SMCHD1: variants seen among roughly 807,000 people sequenced by gnomAD.
SMCHD1 encodes the protein structural maintenance of chromosomes flexible hinge domain-containing protein 1.
SMCHD1 carries 78 observed loss-of-function variants against 254.7 expected under a neutral mutation model. That is an observed-to-expected ratio of 0.31 (90% CI 0.26 to 0.37). SMCHD1 has a LOEUF of 0.37. Among genes scored for constraint, SMCHD1 ranks in the 10% least tolerant of loss-of-function variants. SMCHD1 has a pLI of 1.00. For synonymous variants in SMCHD1, 766 were observed against 794.9 expected, an observed-to-expected ratio of 0.96 and a Z score of 0.61; for missense variants, 1,840 against 2,408.1, an observed-to-expected ratio of 0.76 and a Z score of 4.94.
At chr18:2,749,364 A>G (rs966604426) in intron 30 of SMCHD1, among the ~76,000 whole-genome samples, 1 of 152,212 alleles carries the variant, frequency 6.6e-6, no homozygotes, top group Non-Finnish European at 1.5e-5. Flanking sequence ...ACTGTGGTCT[A>G]CAAATTCACT....
intron 1 of SMCHD1, among the ~76,000 whole-genome samples, chr18:2,662,643 T>G (rs2143780647): frequency 1.2e-5 from 1 of 84,264 alleles, no homozygotes; most frequent in East Asian, 3.7e-4. Context: ...AGACTCCATC[T>G]CAACAACAAT....
chr18:2,669,456 C>G (rs958524587), intron 3 of SMCHD1, among the ~76,000 whole-genome samples: 3 of 152,214 alleles, frequency 2.0e-5, no homozygotes, highest in African/African-American at 7.2e-5. Flanking sequence ...GCCTTGGTCT[C>G]TCAAAGCCGT....
intron 36 of SMCHD1, among the ~76,000 whole-genome samples, chr18:2,762,567 C>T (rs1482139070): frequency 1.4e-5 from 2 of 147,996 alleles, no homozygotes; most frequent in Non-Finnish European, 3.0e-5. Context: ...AATCATAGCT[C>T]ACTGCAACCT....
chr18:2,736,621 A>G (rs2143516971), intron 25 of SMCHD1, among the ~76,000 whole-genome samples: 1 of 152,272 alleles, frequency 6.6e-6, no homozygotes, highest in Non-Finnish European at 1.5e-5. Flanking sequence ...GAAGACATAC[A>G]TGTGGTCAGC....
chr18:2,722,750 G>A (rs1179241925), intron 20 of SMCHD1, 87 bp downstream of exon 20: 2 of 1,162,690 alleles, frequency 1.7e-6, no homozygotes, highest in Non-Finnish European at 2.4e-6. Context: ...TTGTGTGTAA[G>A]GTGTTCAACT....
At chr18:2,795,926 A>C in intron 45 of SMCHD1, 23 bp from the exon 46 acceptor site, 2 of 1,547,410 alleles carry the variant, frequency 1.3e-6, no homozygotes, top group Non-Finnish European at 1.7e-6. Flanking sequence ...TAATTTAATC[A>C]AATGCATTTG....
intron 5 of SMCHD1, among the ~76,000 whole-genome samples, chr18:2,674,668 A>C (rs897381272): frequency 6.6e-5 from 10 of 152,326 alleles, no homozygotes; most frequent in African/African-American, 2.4e-4. Flanking sequence ...TCAGACATAA[A>C]AAAGATTTAG....
rs1376671704 is a variant in SMCHD1, at chr18:2,750,202, C to T, written c.4007+80C>T. On this transcript the variant is annotated intron_variant, in intron 31 of 47. Coordinates refer to ENST00000320876, the MANE Select transcript of SMCHD1 (RefSeq NM_015295.3). ...TGCTTGCCGAAGTTACAGCTAATGA[C>T]TATCCTTCTGTTTAATGTTAGGCAA... 11 of 1,434,802 alleles carry T rather than the reference C, an allele frequency of 7.7e-6. 1 individual carries two copies. The highest frequency in any genetic ancestry group is 1.1e-5 in the Non-Finnish European group (11 of 1,046,916). 88.9% of individuals were successfully genotyped at this position (1,434,802 alleles called of 1,614,324 possible).
chr18:2,707,943 A>G, intron 17 of SMCHD1, 23 bp downstream of exon 17: 1 of 1,319,532 alleles, frequency 7.6e-7, no homozygotes, highest in Non-Finnish European at 1.0e-6. Flanking sequence ...ACTAATTTAG[A>G]TCTTTAATAT....
chr18:2,757,920 A>T (rs1405106699), intron 34 of SMCHD1, among the ~76,000 whole-genome samples: 3 of 152,004 alleles, frequency 2.0e-5, no homozygotes. Context: ...ACCTTTTATT[A>T]TTATGAAGTA....
chr18:2,720,790 ATTT>A (rs2074909588), intron 19 of SMCHD1, among the ~76,000 whole-genome samples: 1 of 152,158 alleles, frequency 6.6e-6, no homozygotes, highest in South Asian at 2.1e-4. Context: ...AATTGATTAG[ATTT>A]TAAAATACAG....
intron 8 of SMCHD1, 45 bp from the exon 9 acceptor site, chr18:2,696,987 A>G: frequency 1.1e-6 from 1 of 890,086 alleles, no homozygotes; most frequent in Middle Eastern, 3.0e-4. Context: ...ATTAACTATA[A>G]TTTTATGTGA....
chr18:2,760,746 T>G lies in SMCHD1; in HGVS notation c.4434+7T>G, dbSNP rs780929470. 1 of 1,552,108 alleles carries G rather than the reference T, an allele frequency of 6.4e-7. No homozygotes were observed. Among genetic ancestry groups the G allele is most frequent in the South Asian group, 1.1e-5 (1 of 88,060 alleles). On this transcript the variant is annotated splice_region_variant and intron_variant, in intron 35 of 47. Transcript: ENST00000320876. Reference sequence around the variant, plus strand: ...TATTCTCAACAGTGAACAGGTTTGCTTACTTTTTTTATATACCACAGTTAG... The same window carrying G: ...TATTCTCAACAGTGAACAGGTTTGCGTACTTTTTTTATATACCACAGTTAG...
chr18:2,708,241 A>T (rs370558345), intron 17 of SMCHD1, among the ~76,000 whole-genome samples: 1 of 117,912 alleles, frequency 8.5e-6, no homozygotes, highest in African/African-American at 2.8e-5. Context: ...AATTACAGTA[A>T]TAATTACAGT....
chr18:2,679,400 C>T (rs1465969460), intron 5 of SMCHD1, among the ~76,000 whole-genome samples: 16 of 140,710 alleles, frequency 1.1e-4, no homozygotes, highest in Non-Finnish European at 1.7e-4. Context: ...GGCGTGAACC[C>T]GGGATGCGGA....
intron 8 of SMCHD1, among the ~76,000 whole-genome samples, chr18:2,696,576 A>G (rs2074290122): frequency 1.3e-5 from 2 of 152,124 alleles, no homozygotes; most frequent in Non-Finnish European, 2.9e-5. Flanking sequence ...AAGGTTGGGG[A>G]CTGCTGTTCT....
intron 45 of SMCHD1, among the ~76,000 whole-genome samples, chr18:2,792,248 C>T (rs556421805): frequency 3.0e-4 from 46 of 152,226 alleles, no homozygotes; most frequent in African/African-American, 1.1e-3. Flanking sequence ...AGTTGATTAC[C>T]TTTTCTATGT....
intron 17 of SMCHD1, among the ~76,000 whole-genome samples, chr18:2,716,614 G>A (rs1178592477): frequency 6.6e-6 from 1 of 152,168 alleles, no homozygotes; most frequent in African/African-American, 2.4e-5. Flanking sequence ...ACCAGCCCTT[G>A]CAGGGGTTGC....
At chr18:2,711,342 CTTGCCT>C (rs1271838213) in intron 17 of SMCHD1, among the ~76,000 whole-genome samples, 1 of 151,726 alleles carries the variant, frequency 6.6e-6, no homozygotes, top group East Asian at 1.9e-4. Flanking sequence ...CAAATGACCT[CTTGCCT>C]CAGTCTCCCA....
Sources: allele counts gnomAD v4.1 joint callset (sites outside exome capture counted in the v4.1 genomes callset), GRCh38; gene constraint gnomAD v4.1.1; transcripts MANE v1.5; gene names NCBI Gene and HGNC (gene_info 2026-07-23, HGNC 2026-07-21).